Variants in DNAH8 observed in about 807,000 individuals in gnomAD.
DNAH8 encodes the protein dynein axonemal heavy chain 8, also known as axonemal beta dynein heavy chain 8.
In DNAH8, 382 loss-of-function variants were observed where a neutral mutation model predicts 562.1. That is an observed-to-expected ratio of 0.68 (90% CI 0.63 to 0.74). The LOEUF (loss-of-function observed/expected upper bound fraction) is 0.74, where lower values mean the gene tolerates loss of function less well. Among genes scored for constraint, DNAH8 ranks in the 30% least tolerant of loss-of-function variants. The probability of loss-of-function intolerance (pLI) is 0.00; values close to 1 mark genes in which losing one functional copy is unlikely to be tolerated. For missense variants in DNAH8, 5,203 were observed against 5,620.4 expected, an observed-to-expected ratio of 0.93 and a Z score of 2.37; for synonymous variants, 1,881 against 1,919.4, an observed-to-expected ratio of 0.98 and a Z score of 0.52.
rs1236500653 is a variant in DNAH8 at position 39,030,426 on chromosome 6, A to G, written c.*34A>G. On this transcript the variant is annotated 3_prime_UTR_variant, in exon 93 of 93. Transcript: ENST00000327475. Reference sequence around the variant, plus strand: ...CCATCTGCTCAGGGCACCAGAACCCACATAGACAGCCTGTGCTATTGAGGG... The same window carrying G: ...CCATCTGCTCAGGGCACCAGAACCCGCATAGACAGCCTGTGCTATTGAGGG... The G allele has an allele frequency of 1.3e-6, 2 of 1,587,084 alleles. No individual in the cohort carries two copies. The highest frequency in any genetic ancestry group is 2.7e-5 in the African/African-American group (2 of 74,508).
rs1306803281 is a variant in DNAH8 at position 38,921,480 on chromosome 6, T to G, written c.10636T>G (p.Phe3546Val). Residue 3546 changes from phenylalanine (F) to valine (V), a missense_variant, in exon 71 of 93, where the codon TTT (phenylalanine) becomes GTT (valine). By Grantham distance (50) the Phe-to-Val change is conservative. Around this residue, in one of 6 missense-constraint regions of DNAH8, gnomAD observed 1,399 missense variants for 1,518.4 expected, o/e 0.92. Transcript: ENST00000327475. ...QAELDKVQAKFDAAMNEKMDL... is the reference protein window; with the variant it reads ...QAELDKVQAKVDAAMNEKMDL... ...TGAGCTGGATAAAGTACAGGCAAAA[T>G]TTGATGCAGCAATGAATGAGAAAAT... 1.2e-6 allele frequency: 2 copies of G among 1,613,382 alleles called. No homozygotes were observed. The highest frequency in any genetic ancestry group is 1.7e-6 in the Non-Finnish European group (2 of 1,179,704).
In DNAH8 at chr6:38,853,233, G is replaced by A; in HGVS notation, c.5619G>A (p.Leu1873=). The change falls in exon 41 of 93, where the codon CTG becomes CTA. Residue 1873 remains leucine (L), a synonymous_variant. Transcript: ENST00000327475. ...AAGGTCCTGTGGAGATTTGGCTACTGGATTTGTTAAAAATGCAGATGTCAT... is the reference window on the plus strand; with the variant it reads ...AAGGTCCTGTGGAGATTTGGCTACTAGATTTGTTAAAAATGCAGATGTCAT... The part of the protein sequence containing the change: ...MAKGPVEIWL[L]DLLKMQMSSL... 2 of 1,612,966 alleles carry A rather than the reference G, an allele frequency of 1.2e-6. No individual in the cohort carries two copies. The highest frequency in any genetic ancestry group is 1.7e-6 in the Non-Finnish European group (2 of 1,179,590).
chr6:38,798,713 G>A (rs192445722), intron 21 of DNAH8, among the ~76,000 whole-genome samples: 125 of 152,314 alleles, frequency 8.2e-4, no homozygotes, highest in African/African-American at 2.5e-3. Context: ...AAGGATTAAT[G>A]AAGTTTGTTT....
chr6:38,734,807 A>C (rs577011157), intron 5 of DNAH8, among the ~76,000 whole-genome samples, 182 bp downstream of exon 5: 42 of 152,324 alleles, frequency 2.8e-4, no homozygotes, highest in Admixed American at 2.6e-4. Context: ...AGTTATATTG[A>C]TATTTTAGAT....
chr6:38,722,931 C>G lies in DNAH8; in HGVS notation c.122C>G (p.Ala41Gly), dbSNP rs1762885131. The G allele has an allele frequency of 1.2e-6, 2 of 1,612,652 alleles. No homozygotes were observed. The highest frequency in any genetic ancestry group is 8.5e-7 in the Non-Finnish European group (1 of 1,179,798). Reference sequence around the variant, plus strand: ...GCCCCGCGCCCTCCGACAGTGGAGGCCCCGGCAGAAGATGGTTTCTCTCCT... The same window carrying G: ...GCCCCGCGCCCTCCGACAGTGGAGGGCCCGGCAGAAGATGGTTTCTCTCCT... ...EEAPRPPTVEAPAEDGFSPSA... is the reference protein window; with the variant it reads ...EEAPRPPTVEGPAEDGFSPSA... The change falls in exon 2 of 93, where the codon GCC becomes GGC. Residue 41 changes from alanine to glycine, a missense_variant. Physicochemically the swap from Ala to Gly is moderately conservative, Grantham distance 60 (BLOSUM62 0). This residue lies in a region of DNAH8 where 556 missense variants were observed against 496.9 expected (regional missense o/e 1.12). Coordinates refer to ENST00000327475, the MANE Select transcript of DNAH8 (RefSeq NM_001206927.2).
At chr6:38,770,270 G>A in intron 11 of DNAH8, 143 bp from the exon 12 acceptor site, 2 of 479,822 alleles carry the variant, frequency 4.2e-6, no homozygotes, top group Non-Finnish European at 7.0e-6. Flanking sequence ...TTGAAATGAG[G>A]ATGAAAATAT....
intron 33 of DNAH8, among the ~76,000 whole-genome samples, chr6:38,840,731 A>T (rs2150368547): frequency 6.6e-6 from 1 of 152,336 alleles, no homozygotes; most frequent in Admixed American, 6.5e-5. Context: ...CCTTTTAGGT[A>T]GAAAATGAAA....
intron 71 of DNAH8, 31 bp from the exon 72 acceptor site, chr6:38,923,027 T>G (rs772674859): frequency 6.3e-7 from 1 of 1,596,388 alleles, no homozygotes; most frequent in Admixed American, 1.8e-5. Flanking sequence ...TTAGAAAAGT[T>G]TTTTGAGACA....
intron 43 of DNAH8, among the ~76,000 whole-genome samples, chr6:38,861,688 C>T (rs879828609): frequency 3.3e-4 from 51 of 152,260 alleles, no homozygotes; most frequent in South Asian, 8.3e-4. Context: ...CATGCCACCA[C>T]GCCTGGCTAA....
chr6:38,987,191 T>G (rs940762642), intron 87 of DNAH8, among the ~76,000 whole-genome samples: 1 of 152,150 alleles, frequency 6.6e-6, no homozygotes, highest in Non-Finnish European at 1.5e-5. Flanking sequence ...TCCAGGGAGA[T>G]GTCTGAGCCG....
At chr6:39,022,656 T>C (rs1485722279) in intron 91 of DNAH8, among the ~76,000 whole-genome samples, 1 of 152,242 alleles carries the variant, frequency 6.6e-6, no homozygotes, top group Non-Finnish European at 1.5e-5. Flanking sequence ...ACTCAGCTTC[T>C]CTGGTAAGCA....
In DNAH8 at chr6:38,788,667, G is replaced by A. The variant is rs1443662692; in HGVS notation, c.2584-1136G>A. Reference sequence around the variant, plus strand: ...TTTTTAGTTATAAAGTTCATTTTAGGTTTTAAATACTATCCCTTATCAGAT... The same window carrying A: ...TTTTTAGTTATAAAGTTCATTTTAGATTTTAAATACTATCCCTTATCAGAT... On this transcript the variant is annotated intron_variant, in intron 18 of 92. Coordinates refer to ENST00000327475, the MANE Select transcript of DNAH8 (RefSeq NM_001206927.2). Among the ~76,000 whole-genome samples, 6 of 151,982 alleles carry A rather than the reference G, an allele frequency of 3.9e-5. No homozygotes were observed. In the East Asian group the frequency reaches 1.2e-3, roughly 29 times the overall value.
Position 38,853,338 on chromosome 6 carries a change from T to C in DNAH8, c.5724T>C (p.Phe1908=). The part of the protein sequence containing the change: ...GFQLLPFLSH[F]PAQVGLLGIQ... The stretch of plus-strand genomic sequence containing the variant: ...AACTCTTACCATTCCTCAGCCACTT[T>C]CCAGCACAGGTGAGAATACACAATG... Residue 1908 remains phenylalanine (F), a synonymous_variant, in exon 41 of 93, where the codon TTT becomes TTC. Coordinates refer to ENST00000327475, the MANE Select transcript of DNAH8 (RefSeq NM_001206927.2). The C allele has an allele frequency of 6.2e-7, 1 of 1,613,218 alleles. No homozygotes were observed. Among genetic ancestry groups the C allele is most frequent in the Non-Finnish European group, 8.5e-7 (1 of 1,179,624 alleles).
intron 73 of DNAH8, among the ~76,000 whole-genome samples, 157 bp from the exon 74 acceptor site, chr6:38,925,898 C>A (rs537977384): frequency 1.3e-5 from 2 of 152,038 alleles, no homozygotes; most frequent in East Asian, 3.9e-4. Context: ...ATTTGGTTCA[C>A]ATTTACAAGT....
At chr6:38,982,841 T>C (rs1764125955) in intron 86 of DNAH8, among the ~76,000 whole-genome samples, 1 of 152,250 alleles carries the variant, frequency 6.6e-6, no homozygotes, top group African/African-American at 2.4e-5. Flanking sequence ...TTAAGTCACT[T>C]CTTAACTGCT....
At position 38,992,729 on chromosome 6, in the gene DNAH8, A is replaced by G. The variant is rs565512511; in HGVS notation, c.13214+2557A>G. On this transcript the variant is annotated intron_variant, in intron 88 of 92. Transcript: ENST00000327475. ...TTGTTCACTGCAGGCTGTTTCACTC[A>G]CCAGCTCTCAAGAAAGATGAAACAG... 3.9e-5 allele frequency among the ~76,000 whole-genome samples: 6 copies of G among 152,274 alleles called. No homozygotes were observed. The East Asian group carries it at 1.2e-3, about 29-fold the overall frequency.
intron 22 of DNAH8, 60 bp downstream of exon 22, chr6:38,803,371 C>CAGAAGGTGCTT: frequency 1.5e-6 from 2 of 1,367,464 alleles, no homozygotes; most frequent in Non-Finnish European, 2.0e-6. Flanking sequence ...CTTATGTAAG[C>CAGAAGGTGCTT]ACCTTCTGCT....
chr6:38,845,131 T>C (rs1173417006), intron 35 of DNAH8, among the ~76,000 whole-genome samples: 1 of 152,048 alleles, frequency 6.6e-6, no homozygotes, highest in Non-Finnish European at 1.5e-5. Flanking sequence ...CTTAAGCAAA[T>C]GAGATATTCA....
chr6:38,756,219 C>T (rs183763449), intron 10 of DNAH8, 140 bp downstream of exon 10: 441 of 653,984 alleles, frequency 6.7e-4, no homozygotes, highest in Middle Eastern at 2.7e-3. Context: ...AAGAGAAAGG[C>T]GTTGACTGGA....
Sources: gnomAD v4.1 joint callset for allele counts (sites outside exome capture counted in the v4.1 genomes callset) on GRCh38, gnomAD v4.1.1 for gene constraint, gnomAD v4.1.1 regional missense constraint, MANE v1.5 for transcripts, NCBI Gene and HGNC (gene_info 2026-07-23, HGNC 2026-07-21) for gene names.